Variants in RBFOX3 observed in about 807,000 individuals in gnomAD.
RBFOX3 encodes the protein RNA binding fox-1 homolog 3.
RBFOX3 carries 17 observed loss-of-function variants against 48.7 expected under a neutral mutation model. The observed-to-expected ratio is 0.35, with a 90% CI of 0.24 to 0.52. The LOEUF (loss-of-function observed/expected upper bound fraction) is 0.52, where lower values mean the gene tolerates loss of function less well. Ranked by LOEUF, RBFOX3 falls within the 20% of genes least tolerant of loss-of-function variation. RBFOX3 has a pLI of 0.94. For missense variants in RBFOX3, 382 were observed against 497.5 expected, an observed-to-expected ratio of 0.77 and a Z score of 2.21; for synonymous variants, 212 against 209.5, an observed-to-expected ratio of 1.01 and a Z score of -0.10.
chr17:79,254,137 G>A lies in RBFOX3; in HGVS notation c.-73-18332C>T, dbSNP rs531305765. 5.3e-5 allele frequency among the ~76,000 whole-genome samples: 8 copies of A among 152,304 alleles called. No individual in the cohort carries two copies. Among genetic ancestry groups the A allele is most frequent in the South Asian group, 4.1e-4 (2 of 4,824 alleles). On this transcript the variant is annotated intron_variant, in intron 3 of 14. Transcript: ENST00000693108. The surrounding 1 kb of genome is among the most constrained non-coding windows in gnomAD (Gnocchi z 4.8). ...AGGGAGGCAAGTTCACCACTGCATC[G>A]CTAGCACCCAGGACACAGGAGCCTC... is the stretch of plus-strand genomic sequence containing the variant.
In RBFOX3 at chr17:79,481,636, C is replaced by T. The variant is rs373548632; in HGVS notation, c.-175+818G>A. Among the ~76,000 whole-genome samples the T allele has an allele frequency of 3.2e-3, 486 of 152,168 alleles. 7 individuals are homozygous for T. The South Asian group carries it at 0.041, about 13-fold the overall frequency. ...CTAGAGACAGCTCAGTCACGTGGCT[C>T]GGGGAGCTTGCGGTTGGTGAACTTG... is the stretch of plus-strand genomic sequence containing the variant. On this transcript the variant is annotated intron_variant, in intron 2 of 14. Coordinates refer to ENST00000693108, the MANE Select transcript of RBFOX3 (RefSeq NM_001350451.2). The surrounding 1 kb of genome is among the most constrained non-coding windows in gnomAD (Gnocchi z 5.4).
chr17:79,396,963 C>A (rs540789474), intron 2 of RBFOX3, among the ~76,000 whole-genome samples: 1 of 152,212 alleles, frequency 6.6e-6, no homozygotes, highest in African/African-American at 2.4e-5. Context: ...CCTGTCACAG[C>A]GGCAGGGAAC....
intron 4 of RBFOX3, chr17:79,135,119 C>G (rs1293485413): frequency 6.6e-6 from 1 of 152,246 alleles, no homozygotes; most frequent in Admixed American, 6.5e-5. Flanking sequence ...GAACCCTGGC[C>G]CAGGGGGCAG....
At chr17:79,603,227 G>A (rs1327086746) in intron 1 of RBFOX3, among the ~76,000 whole-genome samples, 1 of 152,096 alleles carries the variant, frequency 6.6e-6, no homozygotes, top group Non-Finnish European at 1.5e-5. Flanking sequence ...CCTGACCTCA[G>A]GTGATTCCCT....
intron 2 of RBFOX3, among the ~76,000 whole-genome samples, chr17:79,426,184 C>G (rs1315604697): frequency 6.6e-6 from 1 of 152,050 alleles, no homozygotes; most frequent in African/African-American, 2.4e-5. Flanking sequence ...GGTGTGAGGA[C>G]TTTCAGGTTC....
At chr17:79,112,314 G>A (rs1174613895) in intron 5 of RBFOX3, among the ~76,000 whole-genome samples, 1 of 152,230 alleles carries the variant, frequency 6.6e-6, no homozygotes, top group Non-Finnish European at 1.5e-5. Context: ...GTGCTTCTGT[G>A]ACTAGGGGTT....
At chr17:79,159,283 A>G (rs1346664856) in intron 4 of RBFOX3, among the ~76,000 whole-genome samples, 1 of 152,172 alleles carries the variant, frequency 6.6e-6, no homozygotes, top group Non-Finnish European at 1.5e-5. Context: ...TTGGGATGAG[A>G]GTCCTGGGGG....
chr17:79,265,865 C>T (rs1189995843), intron 3 of RBFOX3, among the ~76,000 whole-genome samples: 3 of 152,294 alleles, frequency 2.0e-5, no homozygotes, highest in Admixed American at 6.5e-5. Context: ...TGACTTTGGA[C>T]AGGTGGCTCA....
chr17:79,304,306 C>G (rs967557812), intron 3 of RBFOX3, among the ~76,000 whole-genome samples: 1 of 151,480 alleles, frequency 6.6e-6, no homozygotes, highest in African/African-American at 2.4e-5. Context: ...TGTCTAGCAA[C>G]AACAGCAAGT....
At chr17:79,620,253 ATGCACACACACG>A in the RBFOX3 span, among the ~76,000 whole-genome samples, 1 of 150,062 alleles carries the variant, frequency 6.7e-6, no homozygotes, top group Non-Finnish European at 1.5e-5. Flanking sequence ...ACATACGCAC[ATGCACACACACG>A]TGCACACATA....
At chr17:79,655,955 A>C in the RBFOX3 span, among the ~76,000 whole-genome samples, 1 of 152,018 alleles carries the variant, frequency 6.6e-6, no homozygotes, top group African/African-American at 2.4e-5. Context: ...TCTGGATGCC[A>C]TTCTCTACCT....
chr17:79,095,618 G>T, intron 12 of RBFOX3, 44 bp from the exon 13 acceptor site: 1 of 1,518,092 alleles, frequency 6.6e-7, no homozygotes, highest in Non-Finnish European at 8.9e-7. Context: ...GACTTAGTGG[G>T]GCTCCCCAGG....
chr17:79,625,863 G>A, the RBFOX3 span, among the ~76,000 whole-genome samples: 7 of 152,208 alleles, frequency 4.6e-5, no homozygotes, highest in Admixed American at 6.5e-5. Context: ...ACACACGTGC[G>A]CAGACGGGGG....
chr17:79,659,193 C>T, the RBFOX3 span, among the ~76,000 whole-genome samples: 2 of 152,138 alleles, frequency 1.3e-5, no homozygotes, highest in East Asian at 3.9e-4. Flanking sequence ...GTCTACAACC[C>T]CCTAACCCTG....
At chr17:79,189,763 C>T (rs547881306) in intron 4 of RBFOX3, among the ~76,000 whole-genome samples, 1 of 152,260 alleles carries the variant, frequency 6.6e-6, no homozygotes, top group Non-Finnish European at 1.5e-5. Context: ...CTGCCCAAGC[C>T]TGTGCATGTG....
intron 4 of RBFOX3, among the ~76,000 whole-genome samples, chr17:79,213,471 G>T (rs1364834336): frequency 6.6e-6 from 1 of 152,212 alleles, no homozygotes; most frequent in Non-Finnish European, 1.5e-5. Flanking sequence ...GGGAGGGTGA[G>T]ATGAGGGCCA....
At chr17:79,271,513 G>T (rs1349423449) in intron 3 of RBFOX3, among the ~76,000 whole-genome samples, 1 of 152,162 alleles carries the variant, frequency 6.6e-6, no homozygotes, top group Admixed American at 6.5e-5. Flanking sequence ...CTTCTCCCCG[G>T]GCAGGGCTTT....
chr17:79,407,154 C>G (rs1361273361), intron 2 of RBFOX3, among the ~76,000 whole-genome samples: 2 of 152,222 alleles, frequency 1.3e-5, no homozygotes, highest in Non-Finnish European at 2.9e-5. Flanking sequence ...ACTACAGGCA[C>G]CCGCCGCCAT....
chr17:79,437,005 G>C (rs2069618870), intron 2 of RBFOX3, among the ~76,000 whole-genome samples: 1 of 152,216 alleles, frequency 6.6e-6, no homozygotes, highest in Non-Finnish European at 1.5e-5. Flanking sequence ...TGGGGGCCCA[G>C]AGAGTGGAGT....
Sources: gnomAD v4.1 joint callset for allele counts (sites outside exome capture counted in the v4.1 genomes callset) on GRCh38, gnomAD v4.1.1 for gene constraint, Gnocchi (gnomAD v3.1) non-coding constraint, MANE v1.5 for transcripts, NCBI Gene and HGNC (gene_info 2026-07-23, HGNC 2026-07-21) for gene names.